Variants in AATK observed in about 807,000 individuals in gnomAD.
AATK encodes the protein lemur tail kinase 1, also known as serine/threonine-protein kinase LMTK1.
AATK carries 91 observed loss-of-function variants against 114.3 expected under a neutral mutation model. That is an observed-to-expected ratio of 0.80 (90% CI 0.67 to 0.95). The LOEUF (loss-of-function observed/expected upper bound fraction) is 0.95, where lower values mean the gene tolerates loss of function less well. Ranked by LOEUF, AATK falls within the 40% of genes least tolerant of loss-of-function variation. The pLI is 0.00. For missense variants in AATK, 2,176 were observed against 1,965.2 expected (o/e 1.11, Z -2.03); for synonymous variants, 1,075 against 916.5 (o/e 1.17, Z -3.12).
intron 1 of AATK, chr17:81,165,559 G>A (rs2061476865): frequency 2.7e-6 from 3 of 1,101,880 alleles, no homozygotes; most frequent in Non-Finnish European, 3.7e-6. Context: ...CCGGACCCAG[G>A]AGAGGCCATG....
rs750223775 is a variant in AATK, at chr17:81,123,198, G to A, written c.1108C>T (p.Arg370Cys). The part of the protein sequence containing the change: ...KPQLQLTLSD[R>C]WYEVMQFCWL... ...ACAGGGCAGTGGGGCCCTCACCAGC[G>A]GTCCGACAGGGTCAGCTGCAGCTGG... The change falls in exon 10 of 14, where the codon CGC becomes TGC. Residue 370 changes from arginine (R) to cysteine (C), a missense_variant. Arg to Cys is a radical substitution (Grantham distance 180). This residue lies in a region of AATK where 273 missense variants were observed against 344.1 expected (regional missense o/e 0.79). Coordinates refer to ENST00000326724, the MANE Select transcript of AATK (RefSeq NM_001080395.3). 4.1e-5 allele frequency: 59 copies of A among 1,422,260 alleles called. 1 individual carries two copies. In the Middle Eastern group the frequency reaches 5.7e-4, roughly 14 times the overall value. 88.1% of individuals were successfully genotyped at this position (1,422,260 alleles called of 1,614,324 possible).
At chr17:81,128,090 G>T (rs567313572) in intron 4 of AATK, among the ~76,000 whole-genome samples, 180 bp from the exon 5 acceptor site, 1 of 152,174 alleles carries the variant, frequency 6.6e-6, no homozygotes, top group African/African-American at 2.4e-5. Context: ...CAACCCTCTG[G>T]CTGTAATATT....
At position 81,146,946 on chromosome 17, in the gene AATK, C is replaced by A. The variant is rs367992048; in HGVS notation, c.56-12445G>T. Among the ~76,000 whole-genome samples, 10 of 47,318 alleles carry A rather than the reference C, an allele frequency of 2.1e-4. 2 individuals are homozygous for A. The highest frequency in any genetic ancestry group is 8.3e-4 in the African/African-American group (9 of 10,784). 31.0% of individuals were successfully genotyped at this position (47,318 alleles called of 152,430 possible). A position where few individuals can be genotyped will look rare whatever the true frequency, so the allele number is the denominator to read the frequency against. ...GTAATTCCATGTCTGGAAATTTACA[C>A]TAAGAAAATAACCTAGAGGGCACAC... On this transcript the variant is annotated intron_variant, in intron 1 of 13. Transcript: ENST00000326724.
chr17:81,134,601 C>T lies in AATK; in HGVS notation c.56-100G>A, dbSNP rs1328481565. On this transcript the variant is annotated intron_variant, in intron 1 of 13. Coordinates refer to ENST00000326724, the MANE Select transcript of AATK (RefSeq NM_001080395.3). ...CAGCCCCACCTGGACTTGCTGCATT[C>T]CAGGCTGGGCCTCAGCACCCTGACC... The T allele has an allele frequency of 1.6e-5, 23 of 1,450,292 alleles. No individual in the cohort carries two copies. In the East Asian group the frequency reaches 5.4e-4, roughly 34 times the overall value. The allele number at this position is 1,450,292 out of a possible 1,614,324, so 89.8% of individuals were successfully genotyped here.
intron 2 of AATK, chr17:81,132,946 G>A (rs1275013058): frequency 3.7e-6 from 1 of 266,872 alleles, no homozygotes; most frequent in African/African-American, 2.3e-5. Flanking sequence ...GCCCCAAGGA[G>A]GGGCCACTTA....
intron 1 of AATK, among the ~76,000 whole-genome samples, chr17:81,140,775 GGCGGT>G (rs2061116688): frequency 7.5e-6 from 1 of 133,062 alleles, no homozygotes; most frequent in African/African-American, 3.1e-5. Context: ...GGGGCTGTGG[GGCGGT>G]GAGACCGTGG....
At chr17:81,119,272 G>GGAGCA in intron 13 of AATK, 108 bp downstream of exon 13, 2 of 1,113,584 alleles carry the variant, frequency 1.8e-6, no homozygotes, top group Non-Finnish European at 2.4e-6. Flanking sequence ...GGAGCGGAGC[G>GGAGCA]GAGCCGGGGC....
chr17:81,124,176 GT>G (rs67025830), intron 9 of AATK, among the ~76,000 whole-genome samples: 63,008 of 151,648 alleles, frequency 0.42, 13,392 homozygotes, highest in African/African-American at 0.48. Context: ...GGTGGGGGCG[GT>G]TGGGGAAGCA....
intron 11 of AATK, 43 bp downstream of exon 11, chr17:81,120,158 G>A: frequency 1.3e-6 from 2 of 1,522,230 alleles, no homozygotes; most frequent in Non-Finnish European, 8.8e-7. Flanking sequence ...CTGCGGGAGC[G>A]CGACCCCCAG....
intron 10 of AATK, 54 bp from the exon 11 acceptor site, chr17:81,122,877 G>C: frequency 7.2e-7 from 1 of 1,381,102 alleles, no homozygotes; most frequent in Non-Finnish European, 9.5e-7. Flanking sequence ...CCAGGAACGC[G>C]TCCCTGGAGC....
intron 1 of AATK, among the ~76,000 whole-genome samples, chr17:81,163,059 C>T (rs551175234): frequency 6.6e-6 from 1 of 152,328 alleles, no homozygotes; most frequent in East Asian, 1.9e-4. Flanking sequence ...GAGCCAGTCA[C>T]AGAAGGGCCC....
At chr17:81,156,702 G>A (rs1331285902) in intron 1 of AATK, among the ~76,000 whole-genome samples, 2 of 152,218 alleles carry the variant, frequency 1.3e-5, no homozygotes, top group African/African-American at 4.8e-5. Context: ...CAGACTAAAT[G>A]TCTTCTAAAG....
chr17:81,156,107 AATGTATGTTACT>A (rs1015148145), intron 1 of AATK, among the ~76,000 whole-genome samples: 2 of 142,148 alleles, frequency 1.4e-5, no homozygotes, highest in African/African-American at 2.9e-5. Context: ...TGTATGTTAC[AATGTATGTTACT>A]ATGTTACAAT....
intron 2 of AATK, among the ~76,000 whole-genome samples, chr17:81,131,637 C>T (rs1164064537): frequency 1.3e-5 from 2 of 152,288 alleles, no homozygotes; most frequent in South Asian, 2.1e-4. Flanking sequence ...GAGGTGAGGG[C>T]ACTCAGGCCA....
intron 10 of AATK, 89 bp downstream of exon 10, chr17:81,123,105 C>G: frequency 7.5e-7 from 1 of 1,339,732 alleles, no homozygotes; most frequent in South Asian, 1.9e-5. Context: ...GGCTGGAACG[C>G]CAGGGGGTCA....
chr17:81,123,483 G>A (rs890762295), intron 9 of AATK, 140 bp from the exon 10 acceptor site: 21 of 732,652 alleles, frequency 2.9e-5, no homozygotes, highest in Non-Finnish European at 3.8e-5. Flanking sequence ...CATACCAGCC[G>A]CCCCTCCCTG....
At chr17:81,138,632 T>C (rs2061067994) in intron 1 of AATK, among the ~76,000 whole-genome samples, 2 of 123,744 alleles carry the variant, frequency 1.6e-5, no homozygotes, top group Admixed American at 8.6e-5. Context: ...CCCACACACA[T>C]ATCCACACAT....
In AATK at chr17:81,165,602, C is replaced by T. The variant is rs531462374; in HGVS notation, c.55+336G>A. On this transcript the variant is annotated intron_variant, in intron 1 of 13. Transcript: ENST00000326724. ...TGAACCCCAGCTGGCTGACACCCCCCACACCCCCAAGGGCCCTTAGTCTGA... is the reference window on the plus strand; with the variant it reads ...TGAACCCCAGCTGGCTGACACCCCCTACACCCCCAAGGGCCCTTAGTCTGA... The T allele has an allele frequency of 4.9e-5, 69 of 1,398,306 alleles. 2 individuals carry two copies. The South Asian group carries it at 8.0e-4, about 16-fold the overall frequency. 86.6% of individuals were successfully genotyped at this position (1,398,306 alleles called of 1,614,324 possible).
At chr17:81,129,060 G>T in intron 3 of AATK, 1 of 332,704 alleles carries the variant, frequency 3.0e-6, no homozygotes, top group Non-Finnish European at 4.4e-6. Flanking sequence ...CAGGCCGGGT[G>T]AGGTCAGCGG....
Sources: gnomAD v4.1 joint callset for allele counts (sites outside exome capture counted in the v4.1 genomes callset) on GRCh38, gnomAD v4.1.1 for gene constraint, gnomAD v4.1.1 regional missense constraint, MANE v1.5 for transcripts, NCBI Gene and HGNC (gene_info 2026-07-23, HGNC 2026-07-21) for gene names.